JAKMIP3: variants seen among roughly 807,000 people sequenced by gnomAD.
JAKMIP3 encodes Janus kinase and microtubule interacting protein 3, also known as janus kinase and microtubule-interacting protein 3.
A neutral mutation model predicts 118.5 loss-of-function variants in JAKMIP3; 58 were observed. The ratio of observed to expected loss-of-function variants is 0.49; its 90% CI spans 0.40 to 0.61. JAKMIP3 has a LOEUF of 0.61. Among genes scored for constraint, JAKMIP3 ranks in the 20% least tolerant of loss-of-function variants. The pLI, the probability that JAKMIP3 is intolerant of heterozygous loss-of-function variation, is 0.00. For missense variants in JAKMIP3, 950 were observed against 1,109.0 expected (o/e 0.86, Z 2.04); for synonymous variants, 486 against 451.2 (o/e 1.08, Z -0.98).
rs2061220347 is a variant in JAKMIP3 at position 132,180,746 on chromosome 10, CGCGCGCGTGTGTGCGTGTGTGTGCGTGT to C, written c.*1104-1609_*1104-1582del. Among the ~76,000 whole-genome samples, 3 of 10,750 alleles carry C rather than the reference CGCGCGCGTGTGTGCGTGTGTGTGCGTGT, an allele frequency of 2.8e-4. 1 individual carries two copies. Among genetic ancestry groups the C allele is most frequent in the African/African-American group, 2.9e-4 (1 of 3,462 alleles). The allele number at this position is 10,750 out of a possible 152,430, so 7.1% of individuals were successfully genotyped here. On this transcript the variant is annotated intron_variant, in intron 23 of 23. Coordinates refer to ENST00000684848, the MANE Select transcript of JAKMIP3 (RefSeq NM_001323087.2). The stretch of plus-strand genomic sequence containing the variant: ...GTGTGTGTGCGTGTGTGCGTGCGTG[CGCGCGCGTGTGTGCGTGTGTGTGCGTGT>C]GTGTGTGTGCGCGTATGCATGTGCT...
chr10:132,142,553 C>A (rs2053741536), intron 11 of JAKMIP3, among the ~76,000 whole-genome samples: 1 of 151,746 alleles, frequency 6.6e-6, no homozygotes, highest in Non-Finnish European at 1.5e-5. Context: ...TCCCTCCGCC[C>A]ACTTCCCTGG....
At chr10:132,138,827 CCCCACGCTCGCCTGT>C (rs1390528691) in intron 9 of JAKMIP3, among the ~76,000 whole-genome samples, 4 of 152,238 alleles carry the variant, frequency 2.6e-5, no homozygotes, top group Non-Finnish European at 5.9e-5. Context: ...GTGCCACACA[CCCCACGCTCGCCTGT>C]CCTGCCGTTC....
chr10:132,060,688 A>G (rs901460508), upstream of JAKMIP3, among the ~76,000 whole-genome samples: 1 of 152,248 alleles, frequency 6.6e-6, no homozygotes, highest in Non-Finnish European at 1.5e-5. Context: ...TTGGAAAGAA[A>G]CAAAAATATC....
At chr10:132,114,025 AC>A (rs1242048098) in intron 2 of JAKMIP3, among the ~76,000 whole-genome samples, 1 of 152,126 alleles carries the variant, frequency 6.6e-6, no homozygotes, top group Non-Finnish European at 1.5e-5. Context: ...CCCAAGCCCA[AC>A]CCTCTGTGTC....
In JAKMIP3 at chr10:132,180,688, T is replaced by C. The variant is rs28555305; in HGVS notation, c.*1104-1669T>C. Among the ~76,000 whole-genome samples, 17 of 24,078 alleles carry C rather than the reference T, an allele frequency of 7.1e-4. 2 individuals carry two copies. The highest frequency in any genetic ancestry group is 9.6e-4 in the Non-Finnish European group (11 of 11,462). The allele number at this position is 24,078 out of a possible 152,430, so 15.8% of individuals were successfully genotyped here. The stretch of plus-strand genomic sequence containing the variant: ...GTGCGTGTGTGTGCGCGCGCGTGTG[T>C]GTGCGTGCGTGTGTGTGTGCGCGTG... On this transcript the variant is annotated intron_variant, in intron 23 of 23. Coordinates refer to ENST00000684848, the MANE Select transcript of JAKMIP3 (RefSeq NM_001323087.2).
intron 1 of JAKMIP3, among the ~76,000 whole-genome samples, chr10:132,069,762 C>G (rs2039525778): frequency 6.6e-6 from 1 of 152,194 alleles, no homozygotes; most frequent in Non-Finnish European, 1.5e-5. Context: ...TGACATTTAG[C>G]AAAAAGAAGC....
At chr10:132,085,735 G>A (rs1435425895) in intron 1 of JAKMIP3, among the ~76,000 whole-genome samples, 3 of 152,164 alleles carry the variant, frequency 2.0e-5, no homozygotes, top group Non-Finnish European at 2.9e-5. Flanking sequence ...TCCTGACCTC[G>A]TGATCCACCC....
At chr10:132,109,085 T>C (rs201633808) in intron 2 of JAKMIP3, among the ~76,000 whole-genome samples, 1 of 128,830 alleles carries the variant, frequency 7.8e-6, no homozygotes, top group Non-Finnish European at 1.6e-5. Flanking sequence ...CACATATATA[T>C]ACACACACAT....
chr10:132,127,708 A>G (rs940155376), intron 3 of JAKMIP3, among the ~76,000 whole-genome samples: 4 of 149,972 alleles, frequency 2.7e-5, no homozygotes, highest in Non-Finnish European at 5.9e-5. Context: ...GCCTCTCTCT[A>G]CTCCTTGCCT....
rs1446060656 is a variant in JAKMIP3, at chr10:132,180,768, T to TGCGCGTGTGCGCGTGTGTGCGC, written c.*1104-1586_*1104-1585insCGTGTGCGCGTGTGTGCGCGCG. ...GTGCGCGCGCGTGTGTGCGTGTGTGTGCGTGTGTGTGTGTGCGCGTATGCA... is the reference window on the plus strand; with the variant it reads ...GTGCGCGCGCGTGTGTGCGTGTGTGTGCGCGTGTGCGCGTGTGTGCGCGCGTGTGTGTGTGTGCGCGTATGCA... On this transcript the variant is annotated intron_variant, in intron 23 of 23. Transcript: ENST00000684848. Among the ~76,000 whole-genome samples the TGCGCGTGTGCGCGTGTGTGCGC allele has an allele frequency of 1.2e-4, 4 of 32,494 alleles. 1 individual carries two copies. The highest frequency in any genetic ancestry group is 4.5e-4 in the African/African-American group (3 of 6,708). The allele number at this position is 32,494 out of a possible 152,430, so 21.3% of individuals were successfully genotyped here. A position where few individuals can be genotyped will look rare whatever the true frequency, so the allele number is the denominator to read the frequency against.
At chr10:132,123,552 T>TG (rs943150861) in intron 3 of JAKMIP3, among the ~76,000 whole-genome samples, 2 of 152,178 alleles carry the variant, frequency 1.3e-5, no homozygotes, top group African/African-American at 4.8e-5. Flanking sequence ...AGTGCTATTT[T>TG]GGGGGTAGGG....
At chr10:132,103,281 G>A (rs537283766) in intron 1 of JAKMIP3, among the ~76,000 whole-genome samples, 1 of 151,536 alleles carries the variant, frequency 6.6e-6, no homozygotes, top group African/African-American at 2.4e-5. Context: ...TAGGAGCACC[G>A]GGGGTCCTTG....
At chr10:132,124,334 C>T (rs1435544511) in intron 3 of JAKMIP3, among the ~76,000 whole-genome samples, 3 of 151,604 alleles carry the variant, frequency 2.0e-5, no homozygotes, top group Admixed American at 6.6e-5. Flanking sequence ...GCGCCATACA[C>T]GTCCATTGCC....
intron 1 of JAKMIP3, among the ~76,000 whole-genome samples, chr10:132,050,576 G>C (rs2038068889): frequency 6.6e-6 from 1 of 152,150 alleles, no homozygotes; most frequent in African/African-American, 2.4e-5. Flanking sequence ...CAAGGGTGTA[G>C]TTTGGTGAAG....
chr10:132,105,474 C>T (rs912966507), intron 2 of JAKMIP3, among the ~76,000 whole-genome samples: 1 of 149,826 alleles, frequency 6.7e-6, no homozygotes, highest in African/African-American at 2.5e-5. Context: ...GCTGGATGCC[C>T]AGCACTTTGG....
At chr10:132,137,390 C>T (rs1042660291) in intron 8 of JAKMIP3, 101 bp downstream of exon 8, 63 of 1,437,814 alleles carry the variant, frequency 4.4e-5, no homozygotes, top group Middle Eastern at 1.8e-4. Context: ...CAGACAGAAG[C>T]GGCCGCGGCA....
chr10:132,048,872 C>CCT (rs1211854447), intron 1 of JAKMIP3, among the ~76,000 whole-genome samples: 1 of 152,096 alleles, frequency 6.6e-6, no homozygotes, highest in Non-Finnish European at 1.5e-5. Flanking sequence ...GATCTCCTGA[C>CCT]CTCGTGATCC....
At chr10:132,176,723 A>G (rs73399732) in intron 23 of JAKMIP3, among the ~76,000 whole-genome samples, 2,759 of 152,144 alleles carry the variant, frequency 0.018, 78 homozygotes, top group African/African-American at 0.062. Flanking sequence ...GGATTCAGCC[A>G]TGTGCACCCT....
chr10:132,143,012 C>G (rs955047006), intron 11 of JAKMIP3, among the ~76,000 whole-genome samples: 4 of 152,170 alleles, frequency 2.6e-5, no homozygotes, highest in African/African-American at 9.7e-5. Flanking sequence ...CAGCCTCATC[C>G]TCTGTCCACC....
Sources: allele counts gnomAD v4.1 joint callset (sites outside exome capture counted in the v4.1 genomes callset), GRCh38; gene constraint gnomAD v4.1.1; transcripts MANE v1.5; gene names NCBI Gene and HGNC (gene_info 2026-07-23, HGNC 2026-07-21).